The following RNFT2 variants were observed in gnomAD, a reference collection of about 807,000 sequenced individuals.
The protein encoded by RNFT2 is E3 ubiquitin-protein ligase RNFT2.
In RNFT2, 36 loss-of-function variants were observed where a neutral mutation model predicts 53.0. That is an observed-to-expected ratio of 0.68 (90% CI 0.52 to 0.90). The LOEUF is 0.90. Among genes scored for constraint, RNFT2 ranks in the 40% least tolerant of loss-of-function variants. The pLI, the probability that RNFT2 is intolerant of heterozygous loss-of-function variation, is 0.00. For synonymous variants in RNFT2, 260 were observed against 253.2 expected (o/e 1.03, Z -0.26); for missense variants, 514 against 585.6 (o/e 0.88, Z 1.26).
At chr12:116,811,238 CA>C (rs1276921872) in intron 7 of RNFT2, among the ~76,000 whole-genome samples, 4 of 145,150 alleles carry the variant, frequency 2.8e-5, no homozygotes, top group South Asian at 4.4e-4. Flanking sequence ...ACCCCCATTT[CA>C]AAAAAAAAAG....
intron 4 of RNFT2, among the ~76,000 whole-genome samples, chr12:116,753,243 T>A (rs1872340615): frequency 7.0e-6 from 1 of 141,900 alleles, no homozygotes; most frequent in Non-Finnish European, 1.5e-5. Flanking sequence ...CTCCCCATCC[T>A]GGGTTCAAGC....
chr12:116,852,212 A>C lies in RNFT2; in HGVS notation c.*2764A>C. 4 of 1,270,856 alleles carry C rather than the reference A, an allele frequency of 3.1e-6. No homozygotes were observed. The highest frequency in any genetic ancestry group is 4.0e-6 in the Non-Finnish European group (4 of 994,236). 78.7% of individuals were successfully genotyped at this position (1,270,856 alleles called of 1,614,324 possible). On this transcript the variant is annotated 3_prime_UTR_variant, in exon 11 of 11. Coordinates refer to ENST00000257575, the MANE Select transcript of RNFT2 (RefSeq NM_001382266.1). ...AACAGGCTGGCGCCAATGGCATTAC[A>C]GAGAAAGCAATCTGTGTGGCTAGTG...
chr12:116,763,797 G>A (rs962051665), intron 5 of RNFT2, among the ~76,000 whole-genome samples: 3 of 149,584 alleles, frequency 2.0e-5, no homozygotes, highest in East Asian at 2.0e-4. Flanking sequence ...AAGGGGGCGG[G>A]GGGGGAAAGA....
intron 7 of RNFT2, among the ~76,000 whole-genome samples, chr12:116,818,617 T>C (rs1467493477): frequency 2.0e-5 from 3 of 152,210 alleles, no homozygotes; most frequent in Non-Finnish European, 4.4e-5. Flanking sequence ...ATGGCGACCC[T>C]GTCGGAGAGA....
rs1592931313 is a variant in RNFT2, at chr12:116,740,417, C to A, written c.-81C>A. The A allele has an allele frequency of 1.4e-6, 2 of 1,422,192 alleles. No individual in the cohort carries two copies. The highest frequency in any genetic ancestry group is 2.8e-5 in the African/African-American group (2 of 70,582). The allele number at this position is 1,422,192 out of a possible 1,614,324, so 88.1% of individuals were successfully genotyped here. On this transcript the variant is annotated 5_prime_UTR_variant, in exon 2 of 11. Coordinates refer to ENST00000257575, the MANE Select transcript of RNFT2 (RefSeq NM_001382266.1). Reference sequence around the variant, plus strand: ...CGAAGAGGAGGGGGAGGCCTGTCCTCTCTGGGATCCATTGGTCACATCCCC... The same window carrying A: ...CGAAGAGGAGGGGGAGGCCTGTCCTATCTGGGATCCATTGGTCACATCCCC...
At chr12:116,846,827 A>G (rs1272487835) in intron 10 of RNFT2, among the ~76,000 whole-genome samples, 1 of 151,410 alleles carries the variant, frequency 6.6e-6, no homozygotes, top group African/African-American at 2.4e-5. Flanking sequence ...CTTCATCCCT[A>G]AATACTTCAG....
At chr12:116,819,115 A>G (rs1204073475) in intron 7 of RNFT2, among the ~76,000 whole-genome samples, 3 of 152,212 alleles carry the variant, frequency 2.0e-5, no homozygotes, top group African/African-American at 7.2e-5. Flanking sequence ...TGGCTGTGAA[A>G]TCCTGCAGGC....
Position 116,821,802 on chromosome 12 carries a change from C to CTTT in RNFT2, c.883-11960_883-11958dup, listed in dbSNP as rs149043452. On this transcript the variant is annotated intron_variant, in intron 7 of 10. Transcript: ENST00000257575. ...TCCTCCTTTTTCTGACTACTTGTTT[C>CTTT]TTTTTTTTTTTTTTTTTTTTTTTTT... Among the ~76,000 whole-genome samples, 186 of 43,940 alleles carry CTTT rather than the reference C, an allele frequency of 4.2e-3. 17 individuals carry two copies. Among genetic ancestry groups the CTTT allele is most frequent in the African/African-American group, 0.013 (125 of 9,782 alleles). 28.8% of individuals were successfully genotyped at this position (43,940 alleles called of 152,430 possible).
chr12:116,832,165 A>ATATATATATATATATATC (rs1876706532), intron 7 of RNFT2, among the ~76,000 whole-genome samples: 1 of 143,154 alleles, frequency 7.0e-6, no homozygotes, highest in African/African-American at 2.6e-5. Flanking sequence ...ATATATATAT[A>ATATATATATATATATATC]TATATCTTTC....
rs1877915733 is a variant in RNFT2 at position 116,851,313 on chromosome 12, T to A, written c.*1865T>A. 1 of 161,340 alleles carries A rather than the reference T, an allele frequency of 6.2e-6. No homozygotes were observed. The highest frequency in any genetic ancestry group is 1.4e-5 in the Non-Finnish European group (1 of 73,348). 10.0% of individuals were successfully genotyped at this position (161,340 alleles called of 1,614,324 possible). A position where few individuals can be genotyped will look rare whatever the true frequency, so the allele number is the denominator to read the frequency against. On this transcript the variant is annotated 3_prime_UTR_variant, in exon 11 of 11. Coordinates refer to ENST00000257575, the MANE Select transcript of RNFT2 (RefSeq NM_001382266.1). ...ACTCCTGGGCTCAAGTGATCCTCCC[T>A]CCTCAGCCTCCCAAGCAGCTGCAAC...
intron 6 of RNFT2, among the ~76,000 whole-genome samples, chr12:116,771,901 G>A (rs1157910754): frequency 2.0e-5 from 3 of 152,192 alleles, no homozygotes; most frequent in Admixed American, 1.3e-4. Flanking sequence ...ATCTGCCAAC[G>A]TAAATGAAGC....
chr12:116,780,108 C>G (rs1873623428), intron 7 of RNFT2, among the ~76,000 whole-genome samples: 1 of 152,162 alleles, frequency 6.6e-6, no homozygotes, highest in Non-Finnish European at 1.5e-5. Context: ...TGCTTGGCAG[C>G]AGAGCAGCTT....
intron 7 of RNFT2, among the ~76,000 whole-genome samples, chr12:116,809,550 C>T (rs1346314004): frequency 2.6e-5 from 4 of 152,178 alleles, no homozygotes; most frequent in Non-Finnish European, 5.9e-5. Flanking sequence ...CTGCTCATGG[C>T]TTCACTGGGA....
chr12:116,830,474 C>T (rs1210570961), intron 7 of RNFT2, among the ~76,000 whole-genome samples: 1 of 151,934 alleles, frequency 6.6e-6, no homozygotes, highest in African/African-American at 2.4e-5. Flanking sequence ...TTTTTGTAGA[C>T]ACAAGATCTT....
At chr12:116,846,291 T>C (rs1432874020) in intron 10 of RNFT2, among the ~76,000 whole-genome samples, 2 of 152,126 alleles carry the variant, frequency 1.3e-5, no homozygotes, top group Non-Finnish European at 2.9e-5. Flanking sequence ...GTTATTTTTT[T>C]AGACAAGGTC....
At chr12:116,803,607 T>G (rs1874908736) in intron 7 of RNFT2, among the ~76,000 whole-genome samples, 1 of 152,182 alleles carries the variant, frequency 6.6e-6, no homozygotes, top group Admixed American at 6.5e-5. Context: ...CACCCAACAT[T>G]CTTTTCAGCT....
intron 3 of RNFT2, among the ~76,000 whole-genome samples, chr12:116,745,336 G>A (rs957804674): frequency 2.6e-5 from 4 of 151,956 alleles, no homozygotes; most frequent in African/African-American, 7.3e-5. Context: ...CACCATGCCC[G>A]GCTAATTTTT....
intron 6 of RNFT2, among the ~76,000 whole-genome samples, chr12:116,773,761 A>C (rs921724919): frequency 6.6e-6 from 1 of 152,248 alleles, no homozygotes; most frequent in Non-Finnish European, 1.5e-5. Flanking sequence ...TCCCAGACTT[A>C]GAGATTTCAC....
At chr12:116,840,087 T>C (rs961793577) in intron 10 of RNFT2, among the ~76,000 whole-genome samples, 2 of 152,182 alleles carry the variant, frequency 1.3e-5, no homozygotes, top group African/African-American at 4.8e-5. Flanking sequence ...AAAGAAATCC[T>C]TTGCCAAAGA....
Sources: allele counts gnomAD v4.1 joint callset (sites outside exome capture counted in the v4.1 genomes callset), GRCh38; gene constraint gnomAD v4.1.1; transcripts MANE v1.5; gene names NCBI Gene and HGNC (gene_info 2026-07-23, HGNC 2026-07-21).